The following HGSNAT variants were observed in gnomAD, a reference collection of about 807,000 sequenced individuals.
HGSNAT encodes the protein heparan-alpha-glucosaminide N-acetyltransferase.
In HGSNAT, 59 loss-of-function variants were observed where a neutral mutation model predicts 85.2. The ratio of observed to expected loss-of-function variants is 0.69; its 90% CI spans 0.56 to 0.86. HGSNAT has a LOEUF of 0.86. HGSNAT is among the 40% of genes least tolerant of loss of function. HGSNAT has a pLI of 0.00. For synonymous variants in HGSNAT, 321 were observed against 304.5 expected, an observed-to-expected ratio of 1.05 and a Z score of -0.56; for missense variants, 756 against 777.1, an observed-to-expected ratio of 0.97 and a Z score of 0.32.
At chr8:43,162,609 T>G (rs1293029111) in intron 5 of HGSNAT, among the ~76,000 whole-genome samples, 1 of 151,670 alleles carries the variant, frequency 6.6e-6, no homozygotes, top group Non-Finnish European at 1.5e-5. Flanking sequence ...TGGAGTGCAG[T>G]GGTGCCATTA....
chr8:43,148,742 G>A (rs1487963714), intron 2 of HGSNAT, among the ~76,000 whole-genome samples: 3 of 149,998 alleles, frequency 2.0e-5, no homozygotes, highest in African/African-American at 7.4e-5. Context: ...GCAGTGAGCC[G>A]AGATCGCACC....
Position 43,160,973 on chromosome 8 carries a change from G to T in HGSNAT, c.494-465G>T, listed in dbSNP as rs374446608. 5.3e-5 allele frequency among the ~76,000 whole-genome samples: 8 copies of T among 152,270 alleles called. No individual in the cohort carries two copies. In the South Asian group the frequency reaches 1.0e-3, roughly 20 times the overall value. ...GGTAGAGGTTTTGCATTTTTTACTG[G>T]TATACAGCAAAAGCGAGGCTGGGTC... is the stretch of plus-strand genomic sequence containing the variant. On this transcript the variant is annotated intron_variant, in intron 4 of 17. Transcript: ENST00000379644.
intron 1 of HGSNAT, among the ~76,000 whole-genome samples, chr8:43,142,516 AAAAG>A (rs949188195): frequency 3.9e-5 from 6 of 152,190 alleles, no homozygotes; most frequent in African/African-American, 1.2e-4. Flanking sequence ...AAGTGAAAAA[AAAAG>A]GTGTCAAAAT....
rs367911761 is a variant in HGSNAT, at chr8:43,174,951, C to T, written c.851+1208C>T. ...TCCCTTCTGGTATCCATCCTTCTAT[C>T]GCCCTGAGTTCAGTTGTTTTAATTT... On this transcript the variant is annotated intron_variant, in intron 9 of 17. Transcript: ENST00000379644. 4.0e-5 allele frequency among the ~76,000 whole-genome samples: 6 copies of T among 151,854 alleles called. No homozygotes were observed. The East Asian group carries it at 9.7e-4, about 24-fold the overall frequency.
At chr8:43,149,261 T>C (rs1802816125) in intron 2 of HGSNAT, among the ~76,000 whole-genome samples, 1 of 152,168 alleles carries the variant, frequency 6.6e-6, no homozygotes, top group Non-Finnish European at 1.5e-5. Flanking sequence ...GGTTTGTATT[T>C]AATCATAGTG....
chr8:43,196,341 T>G, intron 14 of HGSNAT: 1 of 518,234 alleles, frequency 1.9e-6, no homozygotes, highest in South Asian at 1.6e-5. Context: ...AGGGATTGTA[T>G]GTGAAGTCCA....
intron 9 of HGSNAT, among the ~76,000 whole-genome samples, chr8:43,174,685 T>G (rs1803748208): frequency 6.6e-6 from 1 of 152,240 alleles, no homozygotes; most frequent in Admixed American, 6.5e-5. Flanking sequence ...GATATTTTGA[T>G]GCAGGCATAC....
intron 2 of HGSNAT, among the ~76,000 whole-genome samples, chr8:43,148,816 G>T (rs1308203155): frequency 6.8e-6 from 1 of 148,010 alleles, no homozygotes; most frequent in African/African-American, 2.5e-5. Flanking sequence ...AAAAAAGAAA[G>T]AATTAAAAAA....
At chr8:43,184,462 T>C (rs1257685691) in intron 11 of HGSNAT, among the ~76,000 whole-genome samples, 3 of 152,006 alleles carry the variant, frequency 2.0e-5, no homozygotes, top group Admixed American at 6.6e-5. Flanking sequence ...TCATATCCTT[T>C]GCCCACTTTT....
At chr8:43,151,658 G>A (rs561439394) in intron 2 of HGSNAT, among the ~76,000 whole-genome samples, 14 of 152,042 alleles carry the variant, frequency 9.2e-5, no homozygotes, top group African/African-American at 2.9e-4. Context: ...ATATAATAAG[G>A]GTTATAATAT....
intron 14 of HGSNAT, chr8:43,196,251 A>C: frequency 5.9e-6 from 2 of 341,214 alleles, no homozygotes; most frequent in Admixed American, 7.8e-5. Context: ...AAAAATGTTG[A>C]TTAATATTAG....
chr8:43,170,695 G>C lies in HGSNAT; in HGVS notation c.743+1G>C. 6.3e-7 allele frequency: 1 copy of C among 1,588,356 alleles called. No individual in the cohort carries two copies. Among genetic ancestry groups the C allele is most frequent in the Non-Finnish European group, 8.6e-7 (1 of 1,166,782 alleles). ...TCCGCAGCGTGGACACCTTCAGGGG[G>C]TATGTGGGCCTCCCTGTAGCACAGT... is the stretch of plus-strand genomic sequence containing the variant. On this transcript the variant is annotated splice_donor_variant, in intron 7 of 17. Coordinates refer to ENST00000379644, the MANE Select transcript of HGSNAT (RefSeq NM_152419.3). LOFTEE classifies it high-confidence loss of function.
rs1003178007 is a variant in HGSNAT, at chr8:43,145,354, C to T, written c.119-1594C>T. Among the ~76,000 whole-genome samples, 14 of 152,234 alleles carry T rather than the reference C, an allele frequency of 9.2e-5. No individual in the cohort carries two copies. The South Asian group carries it at 2.7e-3, about 29-fold the overall frequency. ...GCATCCCCATGGCTCAATCTCTACC[C>T]CTTCATCACCAAGGAAAAGCCAGCT... On this transcript the variant is annotated intron_variant, in intron 1 of 17. Transcript: ENST00000379644.
chr8:43,154,792 G>C (rs1317829278), intron 2 of HGSNAT, among the ~76,000 whole-genome samples: 1 of 152,184 alleles, frequency 6.6e-6, no homozygotes, highest in Non-Finnish European at 1.5e-5. Context: ...GGTTGAACTA[G>C]TTTACAGTCC....
intron 14 of HGSNAT, among the ~76,000 whole-genome samples, chr8:43,194,736 A>G (rs1325100266): frequency 6.6e-6 from 1 of 152,202 alleles, no homozygotes; most frequent in African/African-American, 2.4e-5. Context: ...TTCTAAGGCC[A>G]TTCATGAGGG....
chr8:43,140,643 G>A (rs1330335763), intron 1 of HGSNAT, 29 bp downstream of exon 1: 3 of 1,123,024 alleles, frequency 2.7e-6, no homozygotes, highest in South Asian at 2.5e-5. Flanking sequence ...CCGCCGCCCG[G>A]CCGGCTACGA....
chr8:43,161,379 G>A (rs1391116342), intron 4 of HGSNAT, 59 bp from the exon 5 acceptor site: 3 of 1,305,160 alleles, frequency 2.3e-6, no homozygotes, highest in Middle Eastern at 1.8e-4. Flanking sequence ...ATGATGTGAT[G>A]TCTTTGATGT....
At chr8:43,149,615 G>A (rs1189334701) in intron 2 of HGSNAT, among the ~76,000 whole-genome samples, 1 of 151,784 alleles carries the variant, frequency 6.6e-6, no homozygotes, top group Non-Finnish European at 1.5e-5. Context: ...CAGGAGAATG[G>A]CGTGAACCCG....
chr8:43,147,560 A>T (rs371233366), intron 2 of HGSNAT, among the ~76,000 whole-genome samples: 1 of 152,228 alleles, frequency 6.6e-6, no homozygotes, highest in African/African-American at 2.4e-5. Context: ...ATATTCTACT[A>T]TGCAACCATA....
Sources: gnomAD v4.1 joint callset for allele counts (sites outside exome capture counted in the v4.1 genomes callset) on GRCh38, gnomAD v4.1.1 for gene constraint, MANE v1.5 for transcripts, NCBI Gene and HGNC (gene_info 2026-07-23, HGNC 2026-07-21) for gene names.